The following GSE1 variants were observed in gnomAD, a reference collection of about 807,000 sequenced individuals.
The protein encoded by GSE1 is genetic suppressor element 1.
In GSE1, 32 loss-of-function variants were observed where a neutral mutation model predicts 112.6. The ratio of observed to expected loss-of-function variants is 0.28; its 90% confidence interval spans 0.21 to 0.38. The LOEUF (loss-of-function observed/expected upper bound fraction) is 0.38. Ranked by LOEUF, GSE1 falls within the 10% of genes least tolerant of loss-of-function variation. The probability of loss-of-function intolerance (pLI) is 1.00; values close to 1 mark genes in which losing one functional copy is unlikely to be tolerated. For missense variants in GSE1, 2,348 were observed against 1,699.2 expected (o/e 1.38, Z -6.71); for synonymous variants, 1,115 against 735.6 (o/e 1.52, Z -8.35).
rs2151734528 is a variant in GSE1 at position 85,419,572 on chromosome 16, C to T, written c.2464+61929C>T. ...AGTGAGCCATGACTGCATCACTGTA[C>T]TCCAGCCTGGGCAATAGAGCAAGGC... On this transcript the variant is annotated intron_variant, in intron 2 of 2. Transcript: ENST00000637419. This position sits in a 1 kb window ranked among gnomAD's most constrained non-coding sequence, Gnocchi z 6.5. Among the ~76,000 whole-genome samples, 1 of 151,298 alleles carries T rather than the reference C, an allele frequency of 6.6e-6. No individual in the cohort carries two copies. Among genetic ancestry groups the T allele is most frequent in the Admixed American group, 6.6e-5 (1 of 15,194 alleles).
chr16:85,614,471 G>A (rs2048239498), intron 1 of GSE1, among the ~76,000 whole-genome samples: 1 of 152,176 alleles, frequency 6.6e-6, no homozygotes, highest in Non-Finnish European at 1.5e-5. Context: ...ACTTAGAAAT[G>A]TGCGGTGGAG....
At chr16:85,324,495 G>T (rs2046183780) in intron 1 of GSE1, among the ~76,000 whole-genome samples, 1 of 145,718 alleles carries the variant, frequency 6.9e-6, no homozygotes, top group Non-Finnish European at 1.5e-5. Flanking sequence ...GGGTGACAGA[G>T]CGAGACTCCC....
In GSE1 at chr16:85,241,174, T is replaced by A. The variant is rs78190521; in HGVS notation, c.2283+69367T>A. ...CTGCGTGACCTTGGGCTCGGCTGCG[T>A]GACCTTGGGCTCGGCTGCGAGACCT... On this transcript the variant is annotated intron_variant, in intron 1 of 2. Transcript: ENST00000637419. Among the ~76,000 whole-genome samples, 8 of 115,712 alleles carry A rather than the reference T, an allele frequency of 6.9e-5. No individual in the cohort carries two copies. The South Asian group carries it at 8.2e-4, about 12-fold the overall frequency. The allele number at this position is 115,712 out of a possible 152,430, so 75.9% of individuals were successfully genotyped here.
intron 1 of GSE1, among the ~76,000 whole-genome samples, chr16:85,353,812 A>G (rs938209209): frequency 2.0e-5 from 3 of 152,154 alleles, no homozygotes; most frequent in African/African-American, 4.8e-5. Context: ...CCTCCACTCA[A>G]TGCCCTTGCA....
intron 2 of GSE1, among the ~76,000 whole-genome samples, chr16:85,646,270 A>G (rs112656956): frequency 0.021 from 3,170 of 152,168 alleles, 116 homozygotes; most frequent in African/African-American, 0.073. Context: ...ACTTGCTTCT[A>G]CCATGCCCCG....
intron 1 of GSE1, among the ~76,000 whole-genome samples, chr16:85,337,328 C>T (rs1319920174): frequency 7.2e-5 from 10 of 139,066 alleles, no homozygotes; most frequent in East Asian, 4.1e-4. Context: ...TTTTTTGAGA[C>T]GGAGTCTCGC....
chr16:85,228,129 C>T (rs1016257273), intron 1 of GSE1, among the ~76,000 whole-genome samples: 1 of 152,172 alleles, frequency 6.6e-6, no homozygotes, highest in African/African-American at 2.4e-5. Flanking sequence ...GGCCCCGAGG[C>T]AGGAGTGAGC....
chr16:85,498,687 C>T (rs2051263289), intron 2 of GSE1, among the ~76,000 whole-genome samples: 1 of 152,262 alleles, frequency 6.6e-6, no homozygotes, highest in Non-Finnish European at 1.5e-5. Context: ...CACGACAGCA[C>T]ACAGTGGTGG....
chr16:85,661,477 G>C lies in GSE1; in HGVS notation c.1972G>C (p.Glu658Gln). ...CCAGCCACCTCCGCCGCCACCACGA[G>C]AGGGAGGGAGCCTGGAGCACCAGCC... is the stretch of plus-strand genomic sequence containing the variant. The part of the protein sequence containing the change: ...KYQPPPPPPR[E>Q]GGSLEHQPFL... Residue 658 changes from glutamate (E) to glutamine (Q), a missense_variant, in exon 9 of 16, where the codon GAG becomes CAG. By Grantham distance (29) the Glu-to-Gln change is conservative (BLOSUM62 2). Coordinates refer to ENST00000253458, the MANE Select transcript of GSE1 (RefSeq NM_014615.5). 6.2e-7 allele frequency: 1 copy of C among 1,611,702 alleles called. No individual in the cohort carries two copies. The highest frequency in any genetic ancestry group is 1.1e-5 in the South Asian group (1 of 91,022).
chr16:85,516,834 A>T (rs561454451), intron 2 of GSE1, among the ~76,000 whole-genome samples: 1 of 132,908 alleles, frequency 7.5e-6, no homozygotes, highest in Non-Finnish European at 1.5e-5. Context: ...GTCTCGCTCT[A>T]TCGCCCAGGC....
intron 2 of GSE1, among the ~76,000 whole-genome samples, chr16:85,454,711 C>T (rs1237562382): frequency 1.3e-5 from 2 of 152,220 alleles, no homozygotes; most frequent in African/African-American, 2.4e-5. Context: ...GCCGGCCATG[C>T]TTGGCAAGGA....
At chr16:85,386,616 A>T (rs2047694052) in intron 2 of GSE1, among the ~76,000 whole-genome samples, 1 of 152,120 alleles carries the variant, frequency 6.6e-6, no homozygotes, top group South Asian at 2.1e-4. Flanking sequence ...GGCCTGGAGG[A>T]GATGCTAAAC....
upstream of GSE1, among the ~76,000 whole-genome samples, chr16:85,608,773 T>A (rs1238519571): frequency 6.6e-6 from 1 of 152,152 alleles, no homozygotes; most frequent in African/African-American, 2.4e-5. Flanking sequence ...TCTTGTTAGG[T>A]GCTTGGTGAA....
intron 1 of GSE1, among the ~76,000 whole-genome samples, chr16:85,187,272 T>G (rs1340738521): frequency 6.6e-6 from 1 of 152,178 alleles, no homozygotes; most frequent in South Asian, 2.1e-4. Flanking sequence ...GAATGCAGCG[T>G]CAGCAGCAGC....
At chr16:85,473,534 C>T (rs2050360941) in intron 2 of GSE1, among the ~76,000 whole-genome samples, 2 of 152,188 alleles carry the variant, frequency 1.3e-5, no homozygotes, top group African/African-American at 4.8e-5. Context: ...TCTGCCGGCT[C>T]CCCCTGGCTG....
intron 1 of GSE1, among the ~76,000 whole-genome samples, chr16:85,577,575 G>A (rs185723899): frequency 2.6e-5 from 4 of 152,262 alleles, no homozygotes; most frequent in East Asian, 3.9e-4. Context: ...GCAGCGCTGC[G>A]ATTATCCCCC....
chr16:85,385,382 A>G (rs1410299673), intron 2 of GSE1, among the ~76,000 whole-genome samples: 2 of 152,166 alleles, frequency 1.3e-5, no homozygotes, highest in Non-Finnish European at 2.9e-5. Context: ...GGCCCCCACT[A>G]TTGGAGTCAC....
Position 85,331,700 on chromosome 16 carries a change from TA to T in GSE1, c.2284-25762del, listed in dbSNP as rs1463211497. ...GTGTGTGTGTGTATATATATATATA[TA>T]TATATATTTTTTTTTTTTTTTTTTT... On this transcript the variant is annotated intron_variant, in intron 1 of 2. Coordinates refer to the GSE1 transcript ENST00000637419. Among the ~76,000 whole-genome samples, 291 of 58,538 alleles carry T rather than the reference TA, an allele frequency of 5.0e-3. 6 individuals are homozygous for T. Among genetic ancestry groups the T allele is most frequent in the African/African-American group, 0.013 (240 of 18,216 alleles). 38.4% of individuals were successfully genotyped at this position (58,538 alleles called of 152,430 possible).
chr16:85,212,978 G>C (rs1779731713), intron 1 of GSE1, among the ~76,000 whole-genome samples: 1 of 152,042 alleles, frequency 6.6e-6, no homozygotes, highest in Admixed American at 6.6e-5. Context: ...ATATTTAAAA[G>C]TTAGCCAGGC....
Sources: allele counts gnomAD v4.1 joint callset (sites outside exome capture counted in the v4.1 genomes callset), GRCh38; gene constraint gnomAD v4.1.1; non-coding constraint Gnocchi (gnomAD v3.1); transcripts MANE v1.5; gene names NCBI Gene and HGNC (gene_info 2026-07-23, HGNC 2026-07-21).